GRID2: variants seen among roughly 807,000 people sequenced by gnomAD.
GRID2 encodes the protein glutamate ionotropic receptor delta type subunit 2.
Under a neutral mutation model 114.8 loss-of-function variants are expected in GRID2, and 33 were observed. The observed-to-expected ratio is 0.29, with a 90% CI of 0.22 to 0.38. The LOEUF is 0.38. Among genes scored for constraint, GRID2 ranks in the 10% least tolerant of loss-of-function variants. The probability of loss-of-function intolerance (pLI) is 1.00; values close to 1 mark genes in which losing one functional copy is unlikely to be tolerated. For synonymous variants in GRID2, 505 were observed against 449.9 expected, an observed-to-expected ratio of 1.12 and a Z score of -1.55; for missense variants, 1,184 against 1,257.7, an observed-to-expected ratio of 0.94 and a Z score of 0.89.
chr4:92,785,845 CT>C (rs377535327), intron 2 of GRID2, among the ~76,000 whole-genome samples: 2 of 151,752 alleles, frequency 1.3e-5, no homozygotes, highest in East Asian at 3.9e-4. Flanking sequence ...TTAAAAAAAA[CT>C]TTTTTTAAAA....
chr4:92,724,779 C>T (rs1441102104), intron 2 of GRID2, among the ~76,000 whole-genome samples: 2 of 151,898 alleles, frequency 1.3e-5, no homozygotes, highest in South Asian at 2.1e-4. Context: ...CTAATATGCA[C>T]GAAGTATTTA....
intron 14 of GRID2, among the ~76,000 whole-genome samples, chr4:93,727,002 G>T (rs1051246072): frequency 3.9e-5 from 6 of 152,248 alleles, no homozygotes; most frequent in Admixed American, 1.3e-4. Flanking sequence ...GATTGCCCTG[G>T]CCAGAACTTC....
chr4:92,860,990 A>G (rs1415981931), intron 2 of GRID2, among the ~76,000 whole-genome samples: 1 of 152,084 alleles, frequency 6.6e-6, no homozygotes, highest in East Asian at 1.9e-4. Context: ...TTAAGTTTAA[A>G]TAAAGTTATA....
chr4:92,985,191 T>G (rs1285385162), intron 2 of GRID2, among the ~76,000 whole-genome samples: 1 of 152,076 alleles, frequency 6.6e-6, no homozygotes, highest in African/African-American at 2.4e-5. Context: ...TTTATTTTTA[T>G]AATTTCTTAT....
At chr4:92,384,523 AATATAAT>A (rs1729796848) in intron 1 of GRID2, among the ~76,000 whole-genome samples, 1 of 31,444 alleles carries the variant, frequency 3.2e-5, no homozygotes, top group Non-Finnish European at 5.1e-5. Flanking sequence ...AATATTATAT[AATATAAT>A]ATATAATATA....
intron 1 of GRID2, among the ~76,000 whole-genome samples, chr4:92,460,054 A>ATATATATATATATATAT (rs1491353782): frequency 1.2e-5 from 1 of 86,304 alleles, no homozygotes; most frequent in African/African-American, 4.1e-5. Flanking sequence ...ATATATATAT[A>ATATATATATATATATAT]CACACACAAC....
chr4:92,353,442 T>G (rs1728168770), intron 1 of GRID2, among the ~76,000 whole-genome samples: 1 of 152,026 alleles, frequency 6.6e-6, no homozygotes, highest in Admixed American at 6.6e-5. Context: ...AATATTAAAA[T>G]GTGGTAACTG....
At chr4:92,757,625 T>C (rs559773176) in intron 2 of GRID2, among the ~76,000 whole-genome samples, 2 of 151,882 alleles carry the variant, frequency 1.3e-5, no homozygotes, top group East Asian at 1.9e-4. Flanking sequence ...AGATCATCTA[T>C]GAAAAGAGTA....
chr4:92,442,061 A>G (rs1192787749), intron 1 of GRID2, among the ~76,000 whole-genome samples: 1 of 151,276 alleles, frequency 6.6e-6, no homozygotes, highest in Non-Finnish European at 1.5e-5. Context: ...TACCCACAAC[A>G]GTTATGGAGG....
At chr4:93,499,967 G>A (rs144000630) in intron 12 of GRID2, among the ~76,000 whole-genome samples, 151 of 151,984 alleles carry the variant, frequency 9.9e-4, no homozygotes, top group Middle Eastern at 6.8e-3. Context: ...TTACAAATAC[G>A]CTAAACCTTT....
chr4:93,781,259 CCAT>C (rs1734472541), intron 1 of GRID2, among the ~76,000 whole-genome samples: 1 of 152,100 alleles, frequency 6.6e-6, no homozygotes, highest in African/African-American at 2.4e-5. Context: ...CATCTAGAGT[CCAT>C]AATTTTTAAA....
chr4:93,031,740 A>T (rs1359065559), intron 2 of GRID2, among the ~76,000 whole-genome samples: 2 of 151,404 alleles, frequency 1.3e-5, no homozygotes, highest in Non-Finnish European at 2.9e-5. Flanking sequence ...TGGGTCAATT[A>T]AACCTTTTTT....
chr4:92,452,141 C>CATT (rs1413681181), intron 1 of GRID2, among the ~76,000 whole-genome samples: 1 of 152,042 alleles, frequency 6.6e-6, no homozygotes, highest in East Asian at 1.9e-4. Context: ...GGAAAGCTAC[C>CATT]ATTATATACT....
At chr4:92,800,044 C>T (rs535707255) in intron 2 of GRID2, among the ~76,000 whole-genome samples, 60 of 152,030 alleles carry the variant, frequency 3.9e-4, no homozygotes, top group Admixed American at 3.2e-3. Context: ...ATTTGCACTA[C>T]GTCAGTTCTT....
intron 14 of GRID2, among the ~76,000 whole-genome samples, chr4:93,651,463 A>T (rs1243144664): frequency 6.6e-6 from 1 of 152,168 alleles, no homozygotes; most frequent in Non-Finnish European, 1.5e-5. Flanking sequence ...CGTATCTTTG[A>T]ATCCTTAAGC....
chr4:93,586,585 G>A (rs534990949), intron 13 of GRID2, among the ~76,000 whole-genome samples: 1 of 152,178 alleles, frequency 6.6e-6, no homozygotes, highest in Admixed American at 6.6e-5. Flanking sequence ...TCTGATATCA[G>A]TCTGGTAAGA....
chr4:93,324,445 T>C (rs148136878), intron 8 of GRID2, among the ~76,000 whole-genome samples: 13 of 152,280 alleles, frequency 8.5e-5, no homozygotes, highest in Admixed American at 1.3e-4. Flanking sequence ...TGCCAGTATT[T>C]TATTGAGGAT....
chr4:92,830,361 A>G (rs1368807085), intron 2 of GRID2, among the ~76,000 whole-genome samples: 1 of 151,950 alleles, frequency 6.6e-6, no homozygotes, highest in Non-Finnish European at 1.5e-5. Context: ...GTTCTCTAAA[A>G]AGTGAACTGA....
intron 2 of GRID2, among the ~76,000 whole-genome samples, chr4:92,653,470 A>G (rs560918143): frequency 6.7e-4 from 102 of 151,946 alleles, no homozygotes; most frequent in African/African-American, 2.3e-3. Context: ...AAACTTCTGT[A>G]CCACTAGTTT....
Sources: allele counts gnomAD v4.1 joint callset (sites outside exome capture counted in the v4.1 genomes callset), GRCh38; gene constraint gnomAD v4.1.1; transcripts MANE v1.5; gene names NCBI Gene and HGNC (gene_info 2026-07-23, HGNC 2026-07-21).